The following DNAJA3 variants were observed in gnomAD, a reference collection of about 807,000 sequenced individuals.
DNAJA3 encodes dnaJ homolog subfamily A member 3, mitochondrial.
In DNAJA3, 29 loss-of-function variants were observed where a neutral mutation model predicts 54.9. That is an observed-to-expected ratio of 0.53 (90% CI 0.39 to 0.72). The LOEUF (loss-of-function observed/expected upper bound fraction) is 0.72. Ranked by LOEUF, DNAJA3 falls within the 30% of genes least tolerant of loss-of-function variation. The probability of loss-of-function intolerance (pLI) is 0.00; values close to 1 mark genes in which losing one functional copy is unlikely to be tolerated. For missense variants in DNAJA3, 708 were observed against 639.4 expected (o/e 1.11, Z -1.16); for synonymous variants, 302 against 251.4 (o/e 1.20, Z -1.90).
chr16:4,433,469 A>C (rs947910116), intron 1 of DNAJA3: 1 of 152,076 alleles, frequency 6.6e-6, no homozygotes, highest in Non-Finnish European at 1.5e-5. Flanking sequence ...GGAGTTCTCT[A>C]CTGGCATCTA....
intron 1 of DNAJA3, among the ~76,000 whole-genome samples, chr16:4,429,958 C>T (rs1422855393): frequency 6.6e-6 from 1 of 151,768 alleles, no homozygotes; most frequent in African/African-American, 2.4e-5. Flanking sequence ...GATGATGCCA[C>T]TGCACTCCAG....
chr16:4,436,953 A>G (rs939606480), intron 2 of DNAJA3, among the ~76,000 whole-genome samples: 1 of 152,120 alleles, frequency 6.6e-6, no homozygotes, highest in Non-Finnish European at 1.5e-5. Context: ...AGATGGATAC[A>G]TTAAAACAGA....
chr16:4,451,999 G>A (rs1191587611), intron 10 of DNAJA3, among the ~76,000 whole-genome samples: 1 of 151,980 alleles, frequency 6.6e-6, no homozygotes, highest in Admixed American at 6.6e-5. Flanking sequence ...GAATCCAGGA[G>A]GCAGAGGGTG....
intron 11 of DNAJA3, among the ~76,000 whole-genome samples, chr16:4,455,237 A>G (rs189507587): frequency 8.5e-4 from 129 of 152,250 alleles, no homozygotes; most frequent in African/African-American, 3.0e-3. Context: ...CGGCTTGCCC[A>G]TGGTCACAGA....
intron 3 of DNAJA3, chr16:4,440,704 C>G (rs111303931): frequency 0.038 from 5,747 of 152,494 alleles, 164 homozygotes; most frequent in Admixed American, 0.1. Flanking sequence ...GGCCCAGTGG[C>G]TCATGCCTGT....
chr16:4,444,652 T>A lies in DNAJA3; in HGVS notation c.932-12T>A. 6.2e-7 allele frequency: 1 copy of A among 1,613,744 alleles called. No homozygotes were observed. The highest frequency in any genetic ancestry group is 8.5e-7 in the Non-Finnish European group (1 of 1,179,672). ...TCCTGCCTAACTTCTCCCTTTCTAATGTCCCTTGTAGGAGTCGAGGATGGC... is the reference window on the plus strand; with the variant it reads ...TCCTGCCTAACTTCTCCCTTTCTAAAGTCCCTTGTAGGAGTCGAGGATGGC... On this transcript the variant is annotated splice_polypyrimidine_tract_variant and intron_variant, in intron 6 of 11. Transcript: ENST00000262375.
At position 4,444,685 on chromosome 16, in the gene DNAJA3, T is replaced by C; in HGVS notation, c.953T>C (p.Val318Ala). ...VPAGVEDGQTVRMPVGKREIF... is the reference protein window; with the variant it reads ...VPAGVEDGQTARMPVGKREIF... Reference sequence around the variant, plus strand: ...GTAGGAGTCGAGGATGGCCAGACCGTGAGGATGCCTGTGGGAAAAAGGGAA... The same window carrying C: ...GTAGGAGTCGAGGATGGCCAGACCGCGAGGATGCCTGTGGGAAAAAGGGAA... Residue 318 changes from valine to alanine, a missense_variant, in exon 7 of 12, where the codon GTG (valine) becomes GCG (alanine). Coordinates refer to ENST00000262375, the MANE Select transcript of DNAJA3 (RefSeq NM_005147.6). The C allele has an allele frequency of 1.9e-6, 3 of 1,613,884 alleles. No homozygotes were observed. The highest frequency in any genetic ancestry group is 2.5e-6 in the Non-Finnish European group (3 of 1,179,764).
At chr16:4,445,714 G>T (rs1364870549) in intron 7 of DNAJA3, among the ~76,000 whole-genome samples, 1 of 151,876 alleles carries the variant, frequency 6.6e-6, no homozygotes, top group Admixed American at 6.6e-5. Context: ...ACCAGGCCCG[G>T]CTGACTTTTG....
chr16:4,446,445 T>C (rs1011878783), intron 7 of DNAJA3, among the ~76,000 whole-genome samples: 9 of 151,422 alleles, frequency 5.9e-5, no homozygotes, highest in Non-Finnish European at 8.8e-5. Flanking sequence ...GGTTTCACCA[T>C]GTTGGTCAGT....
At chr16:4,444,775 C>A (rs770724195) in intron 7 of DNAJA3, 47 bp downstream of exon 7, 1 of 1,555,252 alleles carries the variant, frequency 6.4e-7, no homozygotes, top group Non-Finnish European at 8.9e-7. Context: ...TTCCTCTCTT[C>A]GGGTGGGTGT....
chr16:4,455,504 GA>G (rs1212452819), intron 11 of DNAJA3, 41 bp from the exon 12 acceptor site: 1 of 1,550,780 alleles, frequency 6.4e-7, no homozygotes, highest in Non-Finnish European at 8.7e-7. Flanking sequence ...GTGTTCCCTT[GA>G]AATGTTGAGT....
intron 7 of DNAJA3, among the ~76,000 whole-genome samples, chr16:4,446,096 A>G (rs2056898961): frequency 6.7e-6 from 1 of 149,870 alleles, no homozygotes; most frequent in African/African-American, 2.5e-5. Flanking sequence ...TAATTTTTGT[A>G]TTTTTAGTAG....
intron 2 of DNAJA3, among the ~76,000 whole-genome samples, chr16:4,436,700 T>C (rs1220725016): frequency 6.6e-6 from 1 of 152,132 alleles, no homozygotes; most frequent in Non-Finnish European, 1.5e-5. Flanking sequence ...CATACCTGGC[T>C]AATTTTTGTA....
chr16:4,454,116 G>C (rs529369847), intron 10 of DNAJA3, among the ~76,000 whole-genome samples: 10 of 152,346 alleles, frequency 6.6e-5, no homozygotes, highest in African/African-American at 2.4e-4. Flanking sequence ...GGGACAACTT[G>C]CTCAGGGAGA....
intron 3 of DNAJA3, among the ~76,000 whole-genome samples, chr16:4,437,872 G>GA (rs2056790684): frequency 6.6e-6 from 1 of 151,778 alleles, no homozygotes; most frequent in African/African-American, 2.4e-5. Flanking sequence ...TTCATCACTT[G>GA]AGGGGCTCAA....
At chr16:4,441,271 C>A in intron 3 of DNAJA3, 104 bp from the exon 4 acceptor site, 1 of 1,074,296 alleles carries the variant, frequency 9.3e-7, no homozygotes. Flanking sequence ...GCACACAGGG[C>A]CACTTAATAA....
In DNAJA3 at chr16:4,447,018, A is replaced by G. The variant is rs751958918; in HGVS notation, c.1125+4A>G. On this transcript the variant is annotated splice_donor_region_variant and intron_variant, in intron 8 of 11. Transcript: ENST00000262375. ...GTACGAGACGATCAACGTGACGGTA[A>G]GAGGGTGTGAGAACACCTTTGTCAC... is the stretch of plus-strand genomic sequence containing the variant. The G allele has an allele frequency of 1.2e-6, 2 of 1,612,270 alleles. No individual in the cohort carries two copies. The highest frequency in any genetic ancestry group is 1.7e-6 in the Non-Finnish European group (2 of 1,179,392).
chr16:4,429,872 C>T (rs763659441), intron 1 of DNAJA3, among the ~76,000 whole-genome samples: 1 of 152,000 alleles, frequency 6.6e-6, no homozygotes, highest in Non-Finnish European at 1.5e-5. Flanking sequence ...TGGCAACTGC[C>T]TGTACTCCCA....
chr16:4,429,177 G>A (rs1256937045), intron 1 of DNAJA3, among the ~76,000 whole-genome samples: 2 of 151,244 alleles, frequency 1.3e-5, no homozygotes, highest in African/African-American at 2.4e-5. Context: ...GTGAGCCACC[G>A]CGCCCGGCCA....
Sources: allele counts gnomAD v4.1 joint callset (sites outside exome capture counted in the v4.1 genomes callset), GRCh38; gene constraint gnomAD v4.1.1; transcripts MANE v1.5; gene names NCBI Gene and HGNC (gene_info 2026-07-23, HGNC 2026-07-21).